FANCB: variants seen among roughly 807,000 people sequenced by gnomAD.
FANCB encodes FA complementation group B, also known as Fanconi anemia group B protein.
FANCB carries 5 observed loss-of-function variants against 38.9 expected under a neutral mutation model. The observed-to-expected ratio is 0.13, with a 90% CI of 0.07 to 0.27. The LOEUF (loss-of-function observed/expected upper bound fraction) is 0.27, where lower values mean the gene tolerates loss of function less well. FANCB is among the 10% of genes least tolerant of loss of function. FANCB has a pLI of 1.00. For synonymous variants in FANCB, 236 were observed against 215.4 expected (o/e 1.10, Z -0.84); for missense variants, 573 against 602.7 (o/e 0.95, Z 0.52).
At chrX:14,773,531 G>C in the FANCB span, among the ~76,000 whole-genome samples, 22 of 111,854 alleles carry the variant, frequency 2.0e-4, no homozygotes, top group Non-Finnish European at 3.8e-4. Context: ...AAAGGAGAGA[G>C]AAATACAGGT....
At chrX:14,697,091 G>GAA in the FANCB span, among the ~76,000 whole-genome samples, 23,622 of 103,659 alleles carry the variant, frequency 0.23, 2,313 homozygotes, top group Non-Finnish European at 0.31. Context: ...ACCATGGTTA[G>GAA]AAAAAAAAAA....
downstream of FANCB, among the ~76,000 whole-genome samples, chrX:14,831,423 T>C (rs2092327356): frequency 8.9e-6 from 1 of 111,957 alleles, no homozygotes; most frequent in Non-Finnish European, 1.9e-5. Context: ...AAGAAATGAA[T>C]CAAGAGCTGA....
In FANCB at chrX:14,859,316, T is replaced by G. The variant is rs1446090604; in HGVS notation, c.970A>C (p.Lys324Gln). Residue 324 changes from lysine (K) to glutamine (Q), a missense_variant, in exon 4 of 10, where the codon AAA becomes CAA. By Grantham distance (53) the Lys-to-Gln change is moderately conservative. Coordinates refer to ENST00000650831, the MANE Select transcript of FANCB (RefSeq NM_001018113.3). ...ESFQVAAKWE[K>Q]LSLVLIDDFI... ...TCATCTATCAGTACTAAGCTAAGTT[T>G]TTCCCATTTAGCAGCAACCTAAAAG... The G allele has an allele frequency of 7.4e-5, 88 of 1,195,440 alleles. No homozygotes were observed. The highest frequency in any genetic ancestry group is 1.0e-4 in the Non-Finnish European group (88 of 881,348).
chrX:14,752,915 A>G, the FANCB span, among the ~76,000 whole-genome samples: 49 of 107,527 alleles, frequency 4.6e-4, no homozygotes, highest in Middle Eastern at 4.7e-3. Context: ...CAGCTGCTTT[A>G]TAATTCTCTC....
At chrX:14,696,076 A>G in the FANCB span, among the ~76,000 whole-genome samples, 2 of 109,844 alleles carry the variant, frequency 1.8e-5, no homozygotes, top group Non-Finnish European at 3.8e-5. Context: ...ATGAGCAGGA[A>G]AGTGAGTGGA....
At chrX:14,705,250 G>T in the FANCB span, among the ~76,000 whole-genome samples, 1 of 111,990 alleles carries the variant, frequency 8.9e-6, no homozygotes, top group Non-Finnish European at 1.9e-5. Context: ...CCTTCAAGAG[G>T]AAAGTGAGAG....
At chrX:14,833,663 G>T (rs1200407116), downstream of FANCB, among the ~76,000 whole-genome samples, 3 of 50,946 alleles carry the variant, frequency 5.9e-5, no homozygotes, top group Admixed American at 2.8e-4. Context: ...ATCACCTGGG[G>T]AGGCTGGGTG....
chrX:14,853,300 A>G, intron 5 of FANCB, 133 bp from the exon 6 acceptor site: 1 of 525,905 alleles, frequency 1.9e-6, no homozygotes, highest in South Asian at 3.5e-5. Context: ...AATACTTCTC[A>G]GAGCAAAACA....
chrX:14,816,534 G>A, the FANCB span, among the ~76,000 whole-genome samples: 1 of 111,694 alleles, frequency 9.0e-6, no homozygotes, highest in Non-Finnish European at 1.9e-5. Context: ...ACCTATCATA[G>A]GGTTTCTCAA....
the FANCB span, among the ~76,000 whole-genome samples, chrX:14,735,925 C>T: frequency 2.7e-5 from 3 of 111,808 alleles, no homozygotes; most frequent in Non-Finnish European, 5.7e-5. Flanking sequence ...TTTCAGAGAT[C>T]CCCTGCCCAG....
chrX:14,810,169 T>C, the FANCB span, among the ~76,000 whole-genome samples: 1 of 111,023 alleles, frequency 9.0e-6, no homozygotes, highest in Non-Finnish European at 1.9e-5. Flanking sequence ...CATCTGTACA[T>C]CACCATCATC....
At chrX:14,791,252 T>C in the FANCB span, among the ~76,000 whole-genome samples, 9 of 111,912 alleles carry the variant, frequency 8.0e-5, no homozygotes, top group Non-Finnish European at 1.5e-4. Context: ...GTCATTATGG[T>C]TGGTCCTAAT....
At chrX:14,795,716 A>T in the FANCB span, among the ~76,000 whole-genome samples, 1 of 112,082 alleles carries the variant, frequency 8.9e-6, no homozygotes, top group Non-Finnish European at 1.9e-5. Context: ...ACAAGCAGAG[A>T]TATTTAGAAC....
At chrX:14,862,967 A>G (rs755732376) in intron 3 of FANCB, among the ~76,000 whole-genome samples, 1 of 112,506 alleles carries the variant, frequency 8.9e-6, no homozygotes, top group African/African-American at 3.2e-5. Context: ...GAATGGAAAA[A>G]GACAATTCCA....
the FANCB span, among the ~76,000 whole-genome samples, chrX:14,810,297 C>T: frequency 5.3e-5 from 6 of 112,259 alleles, no homozygotes; most frequent in Admixed American, 9.4e-5. Context: ...TCACCAGCAA[C>T]GGAACAAAGC....
chrX:14,735,443 G>C, the FANCB span, among the ~76,000 whole-genome samples: 1 of 111,869 alleles, frequency 8.9e-6, no homozygotes, highest in Non-Finnish European at 1.9e-5. Context: ...TGTTGATGTT[G>C]ATGCTATTCC....
chrX:14,784,806 A>AT, the FANCB span, among the ~76,000 whole-genome samples: 1,594 of 112,588 alleles, frequency 0.014, 26 homozygotes, highest in African/African-American at 0.042. Flanking sequence ...AATGTGGTAC[A>AT]TATATACCAT....
chrX:14,706,112 C>T, the FANCB span, among the ~76,000 whole-genome samples: 1 of 79,773 alleles, frequency 1.3e-5, no homozygotes, highest in Non-Finnish European at 2.8e-5. Context: ...GCCCAGACAT[C>T]TTGGTTTTAT....
intron 6 of FANCB, among the ~76,000 whole-genome samples, chrX:14,851,255 T>A (rs911439647): frequency 8.9e-6 from 1 of 112,160 alleles, no homozygotes; most frequent in Admixed American, 9.4e-5. Context: ...CAGGCACTGT[T>A]CCAAATGCCA....
Sources: allele counts gnomAD v4.1 joint callset (sites outside exome capture counted in the v4.1 genomes callset), GRCh38; gene constraint gnomAD v4.1.1; transcripts MANE v1.5; gene names NCBI Gene and HGNC (gene_info 2026-07-23, HGNC 2026-07-21).